GLIPR1L1: variants seen among roughly 807,000 people sequenced by gnomAD.
The protein encoded by GLIPR1L1 is GLIPR1-like protein 1.
In GLIPR1L1, 26 loss-of-function variants were observed where a neutral mutation model predicts 29.9. The observed-to-expected ratio is 0.87, with a 90% CI of 0.64 to 1.21. The LOEUF is 1.21. Among genes scored for constraint, GLIPR1L1 ranks in the 50% most tolerant of loss-of-function variants. The pLI is 0.00. For synonymous variants in GLIPR1L1, 77 were observed against 97.5 expected, an observed-to-expected ratio of 0.79 and a Z score of 1.24; for missense variants, 305 against 290.3, an observed-to-expected ratio of 1.05 and a Z score of -0.37.
chr12:75,346,017 A>G (rs1456001142), intron 2 of GLIPR1L1, among the ~76,000 whole-genome samples: 1 of 152,180 alleles, frequency 6.6e-6, no homozygotes, highest in African/African-American at 2.4e-5. Flanking sequence ...ATTTTCTTGC[A>G]CTTATCACCT....
intron 3 of GLIPR1L1, among the ~76,000 whole-genome samples, chr12:75,348,863 C>G (rs555461387): frequency 2.0e-5 from 3 of 152,140 alleles, no homozygotes; most frequent in African/African-American, 7.2e-5. Flanking sequence ...AACAAAGGGC[C>G]GTGATCTCTG....
intron 4 of GLIPR1L1, among the ~76,000 whole-genome samples, chr12:75,367,522 A>G (rs957025367): frequency 1.3e-4 from 7 of 54,320 alleles, no homozygotes; most frequent in African/African-American, 3.6e-4. Flanking sequence ...CACGTCGTGT[A>G]CCACAGGAAG....
chr12:75,347,830 C>T (rs1449367416), intron 3 of GLIPR1L1, 108 bp downstream of exon 3: 3 of 535,074 alleles, frequency 5.6e-6, no homozygotes, highest in Non-Finnish European at 9.8e-6. Flanking sequence ...TAAGTAATGA[C>T]TCCCTCTACA....
At chr12:75,358,273 A>G (rs2043286090) in intron 3 of GLIPR1L1, among the ~76,000 whole-genome samples, 1 of 151,918 alleles carries the variant, frequency 6.6e-6, no homozygotes, top group Non-Finnish European at 1.5e-5. Context: ...CAGGAGAAAT[A>G]AAGAGAAAAG....
intron 1 of GLIPR1L1, among the ~76,000 whole-genome samples, chr12:75,335,343 CT>C (rs1377646872): frequency 6.6e-6 from 1 of 152,002 alleles, no homozygotes; most frequent in Non-Finnish European, 1.5e-5. Flanking sequence ...CAAAACAACA[CT>C]TCATGTGTAG....
intron 1 of GLIPR1L1, among the ~76,000 whole-genome samples, chr12:75,340,029 A>T (rs1296615205): frequency 6.6e-6 from 1 of 152,030 alleles, no homozygotes; most frequent in Non-Finnish European, 1.5e-5. Flanking sequence ...GAGTTACTTC[A>T]ATTAGAATAA....
chr12:75,335,288 T>G (rs1381928848), intron 1 of GLIPR1L1, among the ~76,000 whole-genome samples: 1 of 152,190 alleles, frequency 6.6e-6, no homozygotes, highest in African/African-American at 2.4e-5. Flanking sequence ...GGAATGGAGA[T>G]TCTCTTGTTC....
chr12:75,366,962 G>A (rs12366348), intron 4 of GLIPR1L1: 239,759 of 701,462 alleles, frequency 0.34, 43,919 homozygotes, highest in East Asian at 0.46. Context: ...CACCCAAGGG[G>A]CAGCTTGCAG....
At chr12:75,354,002 A>T (rs1305212528) in intron 3 of GLIPR1L1, among the ~76,000 whole-genome samples, 2 of 152,178 alleles carry the variant, frequency 1.3e-5, no homozygotes, top group African/African-American at 4.8e-5. Context: ...ATCAAAAAAT[A>T]AGAGCCATTT....
chr12:75,366,821 A>G (rs546553125), intron 4 of GLIPR1L1: 102 of 698,648 alleles, frequency 1.5e-4, no homozygotes, highest in African/African-American at 1.4e-3. Context: ...AGGGCTAAAA[A>G]TGCCAAGTGA....
rs2044277395 is a variant in GLIPR1L1 at position 75,370,304 on chromosome 12, T to C, written c.*128T>C. 20 of 568,530 alleles carry C rather than the reference T, an allele frequency of 3.5e-5. No individual in the cohort carries two copies. The South Asian group carries it at 5.0e-4, about 14-fold the overall frequency. 35.2% of individuals were successfully genotyped at this position (568,530 alleles called of 1,614,324 possible). ...ACTCTTGCCTGATACCTAAATTTAA[T>C]GTTTGTTTTTAACTCAAAAAATGTA... On this transcript the variant is annotated 3_prime_UTR_variant, in exon 6 of 6. Transcript: ENST00000378695.
In GLIPR1L1 at chr12:75,334,672, C is replaced by T; in HGVS notation, c.-57C>T. The stretch of plus-strand genomic sequence containing the variant: ...CGGGGGCGTGGGGAAATCGGGTTGC[C>T]CCAGCCGTTACTGGTCCGCGCAGTC... On this transcript the variant is annotated 5_prime_UTR_variant, in exon 1 of 6. Coordinates refer to ENST00000378695, the MANE Select transcript of GLIPR1L1 (RefSeq NM_001304964.2). The T allele has an allele frequency of 6.4e-7, 1 of 1,572,666 alleles. No individual in the cohort carries two copies. Among genetic ancestry groups the T allele is most frequent in the Non-Finnish European group, 8.6e-7 (1 of 1,159,304 alleles).
chr12:75,354,924 C>T (rs942667570), intron 3 of GLIPR1L1, among the ~76,000 whole-genome samples: 1 of 152,154 alleles, frequency 6.6e-6, no homozygotes, highest in African/African-American at 2.4e-5. Flanking sequence ...ACAGGCTAGC[C>T]ATATGCAGAG....
At chr12:75,343,351 C>T (rs1484999508) in intron 1 of GLIPR1L1, among the ~76,000 whole-genome samples, 1 of 151,868 alleles carries the variant, frequency 6.6e-6, no homozygotes, top group Non-Finnish European at 1.5e-5. Flanking sequence ...GAGTATTCAT[C>T]CTTTAATTGT....
chr12:75,345,635 C>T (rs1777186577), intron 2 of GLIPR1L1, among the ~76,000 whole-genome samples: 1 of 152,080 alleles, frequency 6.6e-6, no homozygotes, highest in Non-Finnish European at 1.5e-5. Flanking sequence ...AGACACTCTC[C>T]AGGACATCAG....
intron 3 of GLIPR1L1, among the ~76,000 whole-genome samples, chr12:75,359,463 G>A (rs11180474): frequency 0.42 from 59,344 of 141,938 alleles, 12,246 homozygotes; most frequent in South Asian, 0.57. Flanking sequence ...TTGACAAGTT[G>A]ATCAGAAAAT....
intron 3 of GLIPR1L1, among the ~76,000 whole-genome samples, chr12:75,353,928 T>C (rs2042975198): frequency 6.6e-6 from 1 of 152,118 alleles, no homozygotes; most frequent in South Asian, 2.1e-4. Context: ...AGGCCTTCAA[T>C]AAAATTCATC....
At position 75,363,196 on chromosome 12, in the gene GLIPR1L1, C is replaced by T. The variant is rs2043730821; in HGVS notation, c.610+6C>T. 3.9e-6 allele frequency: 5 copies of T among 1,289,488 alleles called. No homozygotes were observed. The East Asian group carries it at 8.1e-5, about 21-fold the overall frequency. 79.9% of individuals were successfully genotyped at this position (1,289,488 alleles called of 1,614,324 possible). ...ATGTGTAAAGAACCTCTGCAGTAAG[C>T]AAAAATATATATATATAATTACATT... is the stretch of plus-strand genomic sequence containing the variant. On this transcript the variant is annotated splice_donor_region_variant and intron_variant, in intron 4 of 5. Coordinates refer to ENST00000378695, the MANE Select transcript of GLIPR1L1 (RefSeq NM_001304964.2).
chr12:75,358,447 C>T (rs1245467496), intron 3 of GLIPR1L1, among the ~76,000 whole-genome samples: 1 of 151,128 alleles, frequency 6.6e-6, no homozygotes, highest in South Asian at 2.1e-4. Context: ...GTTAATCAAC[C>T]TGAAAATAAG....
Sources: allele counts gnomAD v4.1 joint callset (sites outside exome capture counted in the v4.1 genomes callset), GRCh38; gene constraint gnomAD v4.1.1; transcripts MANE v1.5; gene names NCBI Gene and HGNC (gene_info 2026-07-23, HGNC 2026-07-21).